The following SLC25A53 variants were observed in gnomAD, a reference collection of about 807,000 sequenced individuals.
The protein encoded by SLC25A53 is mitochondrial carrier triple repeat protein 6.
SLC25A53 carries 5 observed loss-of-function variants against 15.0 expected under a neutral mutation model. That is an observed-to-expected ratio of 0.33 (90% CI 0.17 to 0.70). SLC25A53 has a LOEUF of 0.70. Among genes scored for constraint, SLC25A53 ranks in the 30% least tolerant of loss-of-function variants. SLC25A53 has a pLI of 0.67. For synonymous variants in SLC25A53, 95 were observed against 100.0 expected (o/e 0.95, Z 0.30); for missense variants, 216 against 241.6 (o/e 0.89, Z 0.70).
intron 1 of SLC25A53, among the ~76,000 whole-genome samples, chrX:104,134,719 G>A (rs930479268): frequency 9.9e-5 from 11 of 111,179 alleles, no homozygotes; most frequent in African/African-American, 3.3e-4. Flanking sequence ...TAAAGATCTT[G>A]GAAGACTGTG....
intron 1 of SLC25A53, among the ~76,000 whole-genome samples, chrX:104,111,441 G>A (rs1449386624): frequency 1.8e-5 from 2 of 110,555 alleles, no homozygotes; most frequent in Non-Finnish European, 3.8e-5. Context: ...ACAAAGGGCT[G>A]TCGAAATTAT....
intron 1 of SLC25A53, among the ~76,000 whole-genome samples, chrX:104,120,418 G>A (rs942098580): frequency 4.5e-5 from 5 of 111,917 alleles, no homozygotes; most frequent in African/African-American, 1.6e-4. Context: ...GGTTTTGTAC[G>A]TCTATTATTA....
At chrX:104,123,615 G>A (rs1556363506) in intron 1 of SLC25A53, among the ~76,000 whole-genome samples, 1 of 108,104 alleles carries the variant, frequency 9.3e-6, no homozygotes. Flanking sequence ...TGTGCAGAAC[G>A]TGCAGGTTAC....
chrX:104,142,280 G>A (rs1190631897), intron 1 of SLC25A53, among the ~76,000 whole-genome samples: 1 of 111,696 alleles, frequency 9.0e-6, no homozygotes, highest in Admixed American at 9.5e-5. Context: ...TTAAAAGAAT[G>A]AAACTTCCAT....
intron 1 of SLC25A53, among the ~76,000 whole-genome samples, chrX:104,146,104 C>T (rs2075465781): frequency 8.9e-6 from 1 of 111,867 alleles, no homozygotes; most frequent in Non-Finnish European, 1.9e-5. Flanking sequence ...AAAAGCTTGT[C>T]CACTACAATC....
Position 104,105,117 on chromosome X carries a change from A to T in SLC25A53, c.141T>A (p.Pro47=), listed in dbSNP as rs1246566401. Residue 47 remains proline (P), a synonymous_variant, in exon 2 of 2, where the codon CCT becomes CCA. Transcript: ENST00000594199. ...GTTGCCGGAACACAACCTTATAGAT[A>T]GGAAAGGTCAGAAAAGTAGACATAA... ...SNFMSTFLTF[P]IYKVVFRQQI... is the part of the protein sequence containing the mutation. 8.2e-7 allele frequency: 1 copy of T among 1,212,220 alleles called. No homozygotes were observed. Among genetic ancestry groups the T allele is most frequent in the Non-Finnish European group, 1.1e-6 (1 of 895,638 alleles).
At chrX:104,147,708 C>T (rs1556369397) in intron 1 of SLC25A53, among the ~76,000 whole-genome samples, 1 of 111,661 alleles carries the variant, frequency 9.0e-6, no homozygotes, top group Admixed American at 9.5e-5. Context: ...AACTGCTCAC[C>T]ATCACTGGCC....
chrX:104,115,030 G>A (rs782671535), intron 1 of SLC25A53: 1 of 1,195,346 alleles, frequency 8.4e-7, no homozygotes, highest in South Asian at 1.8e-5. Context: ...TCTGGATCAA[G>A]TGCTGGTTAT....
At position 104,145,847 on chromosome X, in the gene SLC25A53, C is replaced by G. The variant is rs994550664; in HGVS notation, c.-32+11031G>C. Among the ~76,000 whole-genome samples the G allele has an allele frequency of 3.6e-5, 4 of 111,893 alleles. No homozygotes were observed. In the South Asian group the frequency reaches 1.1e-3, roughly 31 times the overall value. On this transcript the variant is annotated intron_variant, in intron 1 of 1. Transcript: ENST00000594199. Reference sequence around the variant, plus strand: ...CTACCAACCAAAATAAGTTCAGGACCAGACGGATTCACAGCCAAATTCTAC... The same window carrying G: ...CTACCAACCAAAATAAGTTCAGGACGAGACGGATTCACAGCCAAATTCTAC...
At chrX:104,147,262 G>C (rs1556369289) in intron 1 of SLC25A53, among the ~76,000 whole-genome samples, 2 of 111,089 alleles carry the variant, frequency 1.8e-5, no homozygotes, top group East Asian at 5.7e-4. Flanking sequence ...GTAGAAAGCT[G>C]AAACTGGATC....
At chrX:104,125,313 C>A (rs1361279110) in intron 1 of SLC25A53, among the ~76,000 whole-genome samples, 1 of 111,688 alleles carries the variant, frequency 9.0e-6, no homozygotes, top group Non-Finnish European at 1.9e-5. Flanking sequence ...GGTTCTGATA[C>A]TCTCTTTCAT....
At chrX:104,146,548 T>G (rs1380047214) in intron 1 of SLC25A53, among the ~76,000 whole-genome samples, 2 of 111,905 alleles carry the variant, frequency 1.8e-5, no homozygotes, top group Non-Finnish European at 3.8e-5. Context: ...ATTGTATATC[T>G]AGAAAACCCC....
intron 1 of SLC25A53, chrX:104,115,276 T>C: frequency 8.4e-7 from 1 of 1,184,745 alleles, no homozygotes; most frequent in Non-Finnish European, 1.1e-6. Context: ...AGAGGAGAGG[T>C]CAAAAGAGGT....
chrX:104,140,451 G>A (rs1169841078), intron 1 of SLC25A53, among the ~76,000 whole-genome samples: 1 of 110,623 alleles, frequency 9.0e-6, no homozygotes, highest in East Asian at 2.8e-4. Flanking sequence ...TCCATGGCTT[G>A]TGTTAAATTG....
At chrX:104,148,046 C>G (rs1556369487) in intron 1 of SLC25A53, among the ~76,000 whole-genome samples, 3 of 111,072 alleles carry the variant, frequency 2.7e-5, no homozygotes, top group African/African-American at 9.9e-5. Flanking sequence ...GACTTGGAAC[C>G]AACCCAAATG....
At chrX:104,138,458 G>C (rs2075442567) in intron 1 of SLC25A53, among the ~76,000 whole-genome samples, 1 of 112,425 alleles carries the variant, frequency 8.9e-6, no homozygotes, top group African/African-American at 3.2e-5. Context: ...AGATGGGCTG[G>C]GAGCCCCACG....
chrX:104,122,827 C>T (rs1388704345), intron 1 of SLC25A53, among the ~76,000 whole-genome samples: 1 of 111,212 alleles, frequency 9.0e-6, no homozygotes, highest in African/African-American at 3.3e-5. Flanking sequence ...GGTGGCTGAT[C>T]AGGTTGCCTG....
Position 104,123,545 on chromosome X carries a change from A to ATT in SLC25A53, c.-31-18259_-31-18258dup, listed in dbSNP as rs59026732. ...TTCTGTGTAGTTTGCTGATTTGTTT[A>ATT]TTTTTTTTTTTTACTTTTTTTCCCT... On this transcript the variant is annotated intron_variant, in intron 1 of 1. Transcript: ENST00000594199. 2.4e-3 allele frequency among the ~76,000 whole-genome samples: 255 copies of ATT among 104,242 alleles called. 1 individual carries two copies. Among genetic ancestry groups the ATT allele is most frequent in the Middle Eastern group, 5.1e-3 (1 of 196 alleles). The allele number at this position is 104,242 out of a possible 115,157, so 90.5% of individuals were successfully genotyped here.
intron 1 of SLC25A53, chrX:104,115,820 G>A (rs1377246982): frequency 1.6e-5 from 2 of 122,869 alleles, no homozygotes; most frequent in African/African-American, 6.6e-5. Flanking sequence ...CTTCTATGTC[G>A]ATGAATATAT....
Sources: gnomAD v4.1 joint callset for allele counts (sites outside exome capture counted in the v4.1 genomes callset) on GRCh38, gnomAD v4.1.1 for gene constraint, MANE v1.5 for transcripts, NCBI Gene and HGNC (gene_info 2026-07-23, HGNC 2026-07-21) for gene names.